Variants in FMNL2 observed in about 807,000 individuals in gnomAD.
The protein encoded by FMNL2 is formin like 2.
A neutral mutation model predicts 130.2 loss-of-function variants in FMNL2; 51 were observed. That is an observed-to-expected ratio of 0.39 (90% CI 0.31 to 0.49). FMNL2 has a LOEUF of 0.49. FMNL2 is among the 20% of genes least tolerant of loss of function. FMNL2 has a pLI of 0.85. For missense variants in FMNL2, 977 were observed against 1,316.2 expected (o/e 0.74, Z 3.99); for synonymous variants, 465 against 467.1 (o/e 1.00, Z 0.06).
At chr2:152,489,491 C>T (rs1313441809) in intron 1 of FMNL2, among the ~76,000 whole-genome samples, 1 of 152,190 alleles carries the variant, frequency 6.6e-6, no homozygotes, top group Non-Finnish European at 1.5e-5. Context: ...GCTCAGGAAA[C>T]GTTGTTGTTT....
chr2:152,360,094 G>A (rs6725789), intron 1 of FMNL2, among the ~76,000 whole-genome samples: 116,253 of 152,086 alleles, frequency 0.76, 45,583 homozygotes, highest in Admixed American at 0.86. Context: ...ATCACTATTA[G>A]TTTCTCATTA....
rs1165473093 is a variant in FMNL2, at chr2:152,335,684, G to A, written c.81G>A (p.Glu27=). 2 of 1,588,948 alleles carry A rather than the reference G, an allele frequency of 1.3e-6. No homozygotes were observed. Among genetic ancestry groups the A allele is most frequent in the Non-Finnish European group, 1.7e-6 (2 of 1,168,020 alleles). The stretch of plus-strand genomic sequence containing the variant: ...TGCCTTTGAAGCTGCCGATGCCAGA[G>A]CCAGGTGAACTGGAGGAGCGATTTG... ...HNVPLKLPMP[E]PGELEERFAI... Residue 27 remains glutamate (E), a synonymous_variant, in exon 1 of 26, where the codon GAG becomes GAA. Transcript: ENST00000288670.
Position 152,560,869 on chromosome 2 carries a change from C to T in FMNL2, c.444-14C>T. ...AATTTTTCAGTCTTCAATGGCATTTCTCTTTTGTTTTAGTTTTGACTTTGA... is the reference window on the plus strand; with the variant it reads ...AATTTTTCAGTCTTCAATGGCATTTTTCTTTTGTTTTAGTTTTGACTTTGA... On this transcript the variant is annotated splice_polypyrimidine_tract_variant and intron_variant, in intron 5 of 25. Coordinates refer to ENST00000288670, the MANE Select transcript of FMNL2 (RefSeq NM_052905.4). 1 of 1,600,530 alleles carries T rather than the reference C, an allele frequency of 6.2e-7. No homozygotes were observed. The highest frequency in any genetic ancestry group is 1.1e-5 in the South Asian group (1 of 89,406).
chr2:152,424,874 A>AT (rs1195192934), intron 1 of FMNL2, among the ~76,000 whole-genome samples: 1 of 152,212 alleles, frequency 6.6e-6, no homozygotes, highest in Non-Finnish European at 1.5e-5. Context: ...AAAATTGGAA[A>AT]AGCCAAAGCT....
chr2:152,356,017 C>G (rs186889806), intron 1 of FMNL2, among the ~76,000 whole-genome samples: 128 of 152,326 alleles, frequency 8.4e-4, no homozygotes, highest in African/African-American at 3.0e-3. Flanking sequence ...TTAAAAATAA[C>G]TTATAGTTTG....
chr2:152,606,722 T>G (rs1275363519), intron 9 of FMNL2, among the ~76,000 whole-genome samples: 3 of 151,808 alleles, frequency 2.0e-5, no homozygotes, highest in Non-Finnish European at 1.5e-5. Context: ...ATTTTATGTT[T>G]GTTTCATCTG....
intron 1 of FMNL2, chr2:152,389,812 G>T: frequency 7.6e-7 from 1 of 1,310,056 alleles, no homozygotes; most frequent in Admixed American, 1.7e-5. Context: ...TTTCACTGCA[G>T]GAGAAGAGGG....
chr2:152,579,988 C>T (rs952757995), intron 8 of FMNL2, among the ~76,000 whole-genome samples: 1 of 152,208 alleles, frequency 6.6e-6, no homozygotes, highest in African/African-American at 2.4e-5. Flanking sequence ...TTGGAAAATG[C>T]AACACGAACT....
At chr2:152,521,078 T>C (rs1693061058) in intron 1 of FMNL2, among the ~76,000 whole-genome samples, 1 of 152,192 alleles carries the variant, frequency 6.6e-6, no homozygotes, top group South Asian at 2.1e-4. Flanking sequence ...CATGAGAACT[T>C]TGGGGAGGCC....
chr2:152,354,744 G>A (rs1682692043), intron 1 of FMNL2, among the ~76,000 whole-genome samples: 1 of 152,062 alleles, frequency 6.6e-6, no homozygotes, highest in Non-Finnish European at 1.5e-5. Flanking sequence ...CTAAATTTTT[G>A]TAGTGGCAAT....
At chr2:152,450,952 G>A (rs1260441965) in intron 1 of FMNL2, among the ~76,000 whole-genome samples, 1 of 152,210 alleles carries the variant, frequency 6.6e-6, no homozygotes, top group Non-Finnish European at 1.5e-5. Context: ...TGGGTCTCCA[G>A]GTCATGCCCT....
intron 2 of FMNL2, among the ~76,000 whole-genome samples, chr2:152,542,341 A>G (rs1197355213): frequency 6.6e-6 from 1 of 152,252 alleles, no homozygotes; most frequent in East Asian, 1.9e-4. Context: ...CATTGAAGAT[A>G]TTCAAAAGAA....
chr2:152,501,832 C>T (rs1013429642), intron 1 of FMNL2, among the ~76,000 whole-genome samples: 3 of 152,044 alleles, frequency 2.0e-5, no homozygotes, highest in African/African-American at 7.2e-5. Context: ...GAACCCCCTG[C>T]GATTTACATA....
chr2:152,399,742 A>C (rs557215198), intron 1 of FMNL2, among the ~76,000 whole-genome samples: 8 of 152,174 alleles, frequency 5.3e-5, no homozygotes, highest in African/African-American at 1.9e-4. Flanking sequence ...AGGCTTTGCA[A>C]TCGATTCGAT....
At chr2:152,478,247 TA>T (rs377362175) in intron 1 of FMNL2, among the ~76,000 whole-genome samples, 32,836 of 84,378 alleles carry the variant, frequency 0.39, 6,625 homozygotes, top group Non-Finnish European at 0.51. Context: ...TATATATATA[TA>T]TATTTTTTTT....
At chr2:152,597,976 C>T (rs1391265553) in intron 9 of FMNL2, among the ~76,000 whole-genome samples, 1 of 152,198 alleles carries the variant, frequency 6.6e-6, no homozygotes, top group Admixed American at 6.5e-5. Context: ...CAGGCATTTG[C>T]CTGTTGTTGG....
intron 1 of FMNL2, among the ~76,000 whole-genome samples, chr2:152,427,052 CG>C (rs1687235932): frequency 6.6e-6 from 1 of 152,154 alleles, no homozygotes; most frequent in Non-Finnish European, 1.5e-5. Flanking sequence ...TCCAACTCCT[CG>C]TAGGAGAGGA....
At chr2:152,607,251 A>G (rs1698422084) in intron 9 of FMNL2, 88 bp from the exon 10 acceptor site, 2 of 1,061,926 alleles carry the variant, frequency 1.9e-6, no homozygotes, top group African/African-American at 1.6e-5. Context: ...GATATTCTGG[A>G]AATCATTATT....
chr2:152,445,556 CA>C (rs1162873319), intron 1 of FMNL2, among the ~76,000 whole-genome samples: 1 of 152,132 alleles, frequency 6.6e-6, no homozygotes, highest in Admixed American at 6.5e-5. Flanking sequence ...TTAATAGTCA[CA>C]GGTGGTTAGA....
Sources: allele counts gnomAD v4.1 joint callset (sites outside exome capture counted in the v4.1 genomes callset), GRCh38; gene constraint gnomAD v4.1.1; transcripts MANE v1.5; gene names NCBI Gene and HGNC (gene_info 2026-07-23, HGNC 2026-07-21).